Variants in LRRC37A2 observed in about 807,000 individuals in gnomAD.
LRRC37A2 encodes the protein leucine-rich repeat-containing protein 37A2.
A neutral mutation model predicts 68.8 loss-of-function variants in LRRC37A2; 9 were observed. The ratio of observed to expected loss-of-function variants is 0.13; its 90% CI spans 0.08 to 0.23. The LOEUF is 0.23. LRRC37A2 is among the 10% of genes least tolerant of loss of function. LRRC37A2 has a pLI of 1.00. For synonymous variants in LRRC37A2, 63 were observed against 367.6 expected, an observed-to-expected ratio of 0.17 and a Z score of 9.48; for missense variants, 168 against 950.4, an observed-to-expected ratio of 0.18 and a Z score of 10.82.
the LRRC37A2 span, chr17:46,955,411 G>A: frequency 2.6e-5 from 4 of 150,982 alleles, no homozygotes; most frequent in South Asian, 4.2e-4. Context: ...TGCTGGATTC[G>A]GTTTGCCAGT....
chr17:47,038,159 A>T, the LRRC37A2 span, among the ~76,000 whole-genome samples: 77 of 152,218 alleles, frequency 5.1e-4, no homozygotes, highest in African/African-American at 1.8e-3. Flanking sequence ...ATTAAAAGTT[A>T]GCTGAACATG....
At chr17:46,790,125 T>C in the LRRC37A2 span, among the ~76,000 whole-genome samples, 1 of 152,096 alleles carries the variant, frequency 6.6e-6, no homozygotes, top group Non-Finnish European at 1.5e-5. Context: ...CTCAACATTT[T>C]CCTCTGCACC....
the LRRC37A2 span, among the ~76,000 whole-genome samples, chr17:46,890,477 G>C: frequency 6.6e-6 from 1 of 152,122 alleles, no homozygotes; most frequent in Admixed American, 6.6e-5. Flanking sequence ...GGGAGGTCTT[G>C]GCATCCCAGG....
the LRRC37A2 span, among the ~76,000 whole-genome samples, chr17:46,501,502 A>G: frequency 6.6e-6 from 1 of 151,248 alleles, no homozygotes; most frequent in African/African-American, 2.5e-5. Flanking sequence ...TGAATTTAAA[A>G]TGTGTGGGCG....
the LRRC37A2 span, among the ~76,000 whole-genome samples, chr17:46,896,452 A>AAGAAAAAG: frequency 0.081 from 5,228 of 64,836 alleles, 372 homozygotes; most frequent in East Asian, 0.13. Context: ...GAAAGAAAGA[A>AAGAAAAAG]AAAGAAAGAA....
the LRRC37A2 span, among the ~76,000 whole-genome samples, chr17:46,753,815 G>A: frequency 6.6e-6 from 1 of 152,142 alleles, no homozygotes; most frequent in African/African-American, 2.4e-5. Context: ...CATGTCAAAT[G>A]GATTTCGTGC....
At chr17:46,765,491 G>GGC in the LRRC37A2 span, among the ~76,000 whole-genome samples, 1 of 152,252 alleles carries the variant, frequency 6.6e-6, no homozygotes, top group Non-Finnish European at 1.5e-5. Context: ...CCATTTGACA[G>GGC]GCGCTCTCTC....
the LRRC37A2 span, among the ~76,000 whole-genome samples, chr17:46,788,372 C>T: frequency 3.1e-4 from 47 of 152,128 alleles, no homozygotes; most frequent in African/African-American, 1.0e-3. Context: ...GTTAGGCTGC[C>T]GTTCTGAGCA....
At chr17:46,991,156 TCA>T in the LRRC37A2 span, among the ~76,000 whole-genome samples, 4 of 152,168 alleles carry the variant, frequency 2.6e-5, no homozygotes, top group Admixed American at 2.6e-4. Context: ...AAAACTATAG[TCA>T]TCATCTTCTG....
At chr17:46,799,730 G>A in the LRRC37A2 span, among the ~76,000 whole-genome samples, 3 of 152,162 alleles carry the variant, frequency 2.0e-5, no homozygotes, top group Non-Finnish European at 4.4e-5. Flanking sequence ...TTACAGGCAT[G>A]AGCCACTGCG....
chr17:46,718,232 G>A, the LRRC37A2 span, among the ~76,000 whole-genome samples: 1 of 152,074 alleles, frequency 6.6e-6, no homozygotes, highest in Non-Finnish European at 1.5e-5. Flanking sequence ...GCCCCAACAC[G>A]TGCACCCCTG....
At chr17:46,829,773 G>T in the LRRC37A2 span, among the ~76,000 whole-genome samples, 1 of 151,424 alleles carries the variant, frequency 6.6e-6, no homozygotes, top group African/African-American at 2.4e-5. Context: ...GGAGTAGGGG[G>T]TGGGGGCAAA....
the LRRC37A2 span, among the ~76,000 whole-genome samples, chr17:46,721,054 C>T: frequency 6.6e-6 from 1 of 152,166 alleles, no homozygotes; most frequent in South Asian, 2.1e-4. Flanking sequence ...AAGAGCTTGC[C>T]GTGTCCTTGA....
At chr17:46,812,955 G>A in the LRRC37A2 span, among the ~76,000 whole-genome samples, 1 of 152,074 alleles carries the variant, frequency 6.6e-6, no homozygotes, top group South Asian at 2.1e-4. Flanking sequence ...AGGAAACTGA[G>A]GCTTGCAGAG....
At chr17:46,905,742 G>A in the LRRC37A2 span, among the ~76,000 whole-genome samples, 1 of 152,026 alleles carries the variant, frequency 6.6e-6, no homozygotes, top group Non-Finnish European at 1.5e-5. Flanking sequence ...AAACAGCCAA[G>A]TCATTAATCA....
chr17:46,843,712 T>G, the LRRC37A2 span, among the ~76,000 whole-genome samples: 1 of 152,238 alleles, frequency 6.6e-6, no homozygotes, highest in African/African-American at 2.4e-5. Context: ...CTGTGAGCAT[T>G]AAATGGGTTA....
At chr17:46,985,192 C>T in the LRRC37A2 span, among the ~76,000 whole-genome samples, 1 of 152,202 alleles carries the variant, frequency 6.6e-6, no homozygotes, top group Admixed American at 6.5e-5. Context: ...TCGAGGTTGG[C>T]CCCTGCTCAG....
At chr17:46,774,542 T>A in the LRRC37A2 span, among the ~76,000 whole-genome samples, 6 of 152,232 alleles carry the variant, frequency 3.9e-5, no homozygotes, top group African/African-American at 1.4e-4. Context: ...TCCACCTCTT[T>A]TCTCATGAGA....
chr17:46,734,053 C>A, the LRRC37A2 span, among the ~76,000 whole-genome samples: 1 of 152,176 alleles, frequency 6.6e-6, no homozygotes, highest in African/African-American at 2.4e-5. Flanking sequence ...TCAGCAGTCT[C>A]TAGACAACAT....
Sources: allele counts gnomAD v4.1 joint callset (sites outside exome capture counted in the v4.1 genomes callset), GRCh38; gene constraint gnomAD v4.1.1; transcripts MANE v1.5; gene names NCBI Gene and HGNC (gene_info 2026-07-23, HGNC 2026-07-21).